PCDH15: variants seen among roughly 807,000 people sequenced by gnomAD.
PCDH15 encodes the protein protocadherin related 15.
A neutral mutation model predicts 178.5 loss-of-function variants in PCDH15; 129 were observed. That is an observed-to-expected ratio of 0.72 (90% CI 0.63 to 0.84). The LOEUF is 0.84. PCDH15 is among the 40% of genes least tolerant of loss of function. The pLI is 0.00. For synonymous variants in PCDH15, 800 were observed against 732.0 expected (o/e 1.09, Z -1.50); for missense variants, 2,230 against 2,099.9 (o/e 1.06, Z -1.21).
At chr10:54,044,185 T>G (rs942400153) in intron 18 of PCDH15, among the ~76,000 whole-genome samples, 1 of 152,088 alleles carries the variant, frequency 6.6e-6, no homozygotes, top group Non-Finnish European at 1.5e-5. Context: ...GGAGATACTT[T>G]GTCATAATTG....
intron 21 of PCDH15, among the ~76,000 whole-genome samples, chr10:53,970,410 G>T (rs1041333434): frequency 5.3e-4 from 81 of 151,860 alleles, no homozygotes; most frequent in African/African-American, 1.9e-3. Flanking sequence ...CAATAATAAT[G>T]GGGGACTTTA....
At chr10:54,466,859 T>C (rs984750618) in intron 3 of PCDH15, among the ~76,000 whole-genome samples, 30 of 151,966 alleles carry the variant, frequency 2.0e-4, no homozygotes, top group African/African-American at 6.8e-4. Context: ...GTAATTTTCC[T>C]TGTAGAAGTA....
chr10:54,905,600 C>T lies in PCDH15; in HGVS notation c.-79-8100G>A, dbSNP rs532789643. Among the ~76,000 whole-genome samples the T allele has an allele frequency of 2.0e-5, 3 of 152,194 alleles. No individual in the cohort carries two copies. The East Asian group carries it at 5.8e-4, about 29-fold the overall frequency. ...GCAAACAAGATAAGAAATGCCAGTT[C>T]CTGGGACAGTTATAGGAAGCCTGAG... On this transcript the variant is annotated intron_variant, in intron 2 of 5. Transcript: ENST00000458638.
chr10:55,473,999 A>C (rs1375261713), intron 2 of PCDH15, among the ~76,000 whole-genome samples: 1 of 152,198 alleles, frequency 6.6e-6, no homozygotes. Flanking sequence ...AATGGTCAGC[A>C]AGTGGAAAAC....
intron 27 of PCDH15, among the ~76,000 whole-genome samples, chr10:53,860,751 G>GATTCTC (rs1238233041): frequency 6.8e-6 from 1 of 146,932 alleles, no homozygotes; most frequent in Non-Finnish European, 1.5e-5. Flanking sequence ...AAAAAAGTGA[G>GATTCTC]ATTTTGTGCA....
chr10:55,285,608 A>C (rs1842849083), intron 1 of PCDH15, among the ~76,000 whole-genome samples: 1 of 151,548 alleles, frequency 6.6e-6, no homozygotes, highest in African/African-American at 2.4e-5. Context: ...GTTTCTACTT[A>C]ACATATTTTT....
At chr10:54,613,111 T>C (rs1355159635) in intron 2 of PCDH15, among the ~76,000 whole-genome samples, 2 of 151,826 alleles carry the variant, frequency 1.3e-5, no homozygotes, top group Admixed American at 6.6e-5. Flanking sequence ...TATTTTACAA[T>C]GCCCATTTTA....
intron 3 of PCDH15, among the ~76,000 whole-genome samples, chr10:54,854,430 A>G (rs1953698604): frequency 6.6e-6 from 1 of 152,188 alleles, no homozygotes. Flanking sequence ...TCCTGTGCCC[A>G]GGAAGAATGA....
chr10:54,101,636 G>A (rs1310608816), intron 15 of PCDH15, among the ~76,000 whole-genome samples: 1 of 152,154 alleles, frequency 6.6e-6, no homozygotes, highest in African/African-American at 2.4e-5. Context: ...CCATCTCCCA[G>A]TAAAACAATC....
rs141690928 is a variant in PCDH15, at chr10:54,353,227, G to A, written c.475-6743C>T. Among the ~76,000 whole-genome samples, 27 of 151,940 alleles carry A rather than the reference G, an allele frequency of 1.8e-4. No individual in the cohort carries two copies. The East Asian group carries it at 3.7e-3, about 21-fold the overall frequency. The stretch of plus-strand genomic sequence containing the variant: ...AACCATTTTTCCAAATCAAACATCC[G>A]TTTGAAGTCCATCTTAAAACTTTCC... On this transcript the variant is annotated intron_variant, in intron 5 of 37. Coordinates refer to ENST00000644397, the MANE Select transcript of PCDH15 (RefSeq NM_001384140.1).
At chr10:54,066,555 C>T (rs1448824776) in intron 18 of PCDH15, among the ~76,000 whole-genome samples, 2 of 151,966 alleles carry the variant, frequency 1.3e-5, no homozygotes, top group African/African-American at 4.8e-5. Context: ...TTAAATTATA[C>T]AATAATTATA....
At chr10:54,769,336 T>A (rs200947458) in intron 1 of PCDH15, among the ~76,000 whole-genome samples, 3 of 146,174 alleles carry the variant, frequency 2.1e-5, no homozygotes, top group East Asian at 2.1e-4. Flanking sequence ...TTTTTTTTTT[T>A]AAATCTCCCA....
At chr10:54,718,589 G>A (rs2095508998) in intron 1 of PCDH15, among the ~76,000 whole-genome samples, 1 of 151,052 alleles carries the variant, frequency 6.6e-6, no homozygotes, top group Non-Finnish European at 1.5e-5. Context: ...AAAAAATAAG[G>A]AGAGATAGCT....
chr10:54,347,921 T>C (rs796146904), intron 5 of PCDH15, among the ~76,000 whole-genome samples: 1 of 152,246 alleles, frequency 6.6e-6, no homozygotes, highest in African/African-American at 2.4e-5. Context: ...CGGTCTCGGC[T>C]TACTGCAAGC....
chr10:54,283,780 A>T (rs1027416679), intron 8 of PCDH15, among the ~76,000 whole-genome samples: 2 of 152,120 alleles, frequency 1.3e-5, no homozygotes, highest in Admixed American at 1.3e-4. Context: ...ACACCAGGAG[A>T]GCTGGAAGGA....
chr10:54,144,838 C>T (rs955059931), intron 14 of PCDH15, among the ~76,000 whole-genome samples: 2 of 152,118 alleles, frequency 1.3e-5, no homozygotes, highest in African/African-American at 4.8e-5. Context: ...AAGATTATAA[C>T]ATTAATTAGC....
intron 1 of PCDH15, among the ~76,000 whole-genome samples, chr10:54,779,432 A>ATATATG (rs796369320): frequency 9.5e-6 from 1 of 105,380 alleles, no homozygotes; most frequent in Admixed American, 9.1e-5. Context: ...ACACACACAT[A>ATATATG]TGTGTATATA....
intron 34 of PCDH15, among the ~76,000 whole-genome samples, chr10:53,817,631 C>CCTGT (rs1564522920): frequency 6.7e-6 from 1 of 150,048 alleles, no homozygotes; most frequent in Non-Finnish European, 1.5e-5. Flanking sequence ...AAGCAATTCT[C>CCTGT]CTGTCTCAGC....
chr10:55,023,006 AT>A (rs1241896930), intron 2 of PCDH15, among the ~76,000 whole-genome samples: 15 of 152,042 alleles, frequency 9.9e-5, no homozygotes, highest in African/African-American at 3.6e-4. Context: ...CAGTGGCTCC[AT>A]CGCCGCTCAC....
Sources: gnomAD v4.1 joint callset for allele counts (sites outside exome capture counted in the v4.1 genomes callset) on GRCh38, gnomAD v4.1.1 for gene constraint, MANE v1.5 for transcripts, NCBI Gene and HGNC (gene_info 2026-07-23, HGNC 2026-07-21) for gene names.